Variants in LRRC7 observed in about 807,000 individuals in gnomAD.
LRRC7 encodes leucine rich repeat containing 7, also known as leucine-rich repeat-containing protein 7.
LRRC7 carries 23 observed loss-of-function variants against 175.7 expected under a neutral mutation model. The observed-to-expected ratio is 0.13, with a 90% confidence interval of 0.09 to 0.19. The LOEUF (loss-of-function observed/expected upper bound fraction) is 0.19, where lower values mean the gene tolerates loss of function less well. Among genes scored for constraint, LRRC7 ranks in the 10% least tolerant of loss-of-function variants. LRRC7 has a pLI of 1.00. For synonymous variants in LRRC7, 685 were observed against 680.9 expected (o/e 1.01, Z -0.09); for missense variants, 1,354 against 1,904.7 (o/e 0.71, Z 5.38).
chr1:70,018,372 A>G (rs751406107), intron 14 of LRRC7, among the ~76,000 whole-genome samples: 4 of 152,068 alleles, frequency 2.6e-5, no homozygotes, highest in Non-Finnish European at 4.4e-5. Context: ...TTCTAGGGCA[A>G]TAATCCATGA....
chr1:69,778,537 CT>C, intron 3 of LRRC7, among the ~76,000 whole-genome samples: 1 of 152,248 alleles, frequency 6.6e-6, no homozygotes, highest in South Asian at 2.1e-4. Context: ...TCCTGCTTTG[CT>C]TGGGGATCAG....
At chr1:70,069,401 T>A (rs980157200) in intron 23 of LRRC7, among the ~76,000 whole-genome samples, 5 of 152,142 alleles carry the variant, frequency 3.3e-5, no homozygotes, top group African/African-American at 1.2e-4. Context: ...GCCCCCATGA[T>A]CCAATTACCT....
chr1:70,038,537 A>C lies in LRRC7; in HGVS notation c.2713A>C (p.Thr905Pro). The part of the protein sequence containing the change: ...AFPSKLETTP[T>P]TSPLPERKEH... ...TCCTTCCAAATTAGAGACAACCCCC[A>C]CTACCAGCCCATTGCCTGAAAGGAA... The change falls in exon 21 of 27, where the codon ACT (threonine) becomes CCT (proline). Residue 905 changes from threonine (T) to proline (P), a missense_variant. Transcript: ENST00000651989. 6.2e-7 allele frequency: 1 copy of C among 1,613,978 alleles called. No individual in the cohort carries two copies. Among genetic ancestry groups the C allele is most frequent in the East Asian group, 2.2e-5 (1 of 44,854 alleles).
intron 2 of LRRC7, among the ~76,000 whole-genome samples, chr1:69,759,690 T>C (rs998708235): frequency 6.6e-6 from 1 of 152,030 alleles, no homozygotes; most frequent in Non-Finnish European, 1.5e-5. Flanking sequence ...TCAGTAAATA[T>C]CTATTCACCG....
At chr1:70,116,672 T>C (rs1321986612) in intron 26 of LRRC7, among the ~76,000 whole-genome samples, 1 of 152,098 alleles carries the variant, frequency 6.6e-6, no homozygotes, top group Non-Finnish European at 1.5e-5. Flanking sequence ...GCAATGTAAA[T>C]TTTTCATATG....
At chr1:69,882,835 T>G (rs1686772214) in intron 7 of LRRC7, among the ~76,000 whole-genome samples, 1 of 144,992 alleles carries the variant, frequency 6.9e-6, no homozygotes, top group Non-Finnish European at 1.5e-5. Flanking sequence ...CATTGCTCAA[T>G]TCCCACCTAT....
intron 7 of LRRC7, among the ~76,000 whole-genome samples, chr1:69,910,003 T>C (rs1225803733): frequency 6.6e-6 from 1 of 152,188 alleles, no homozygotes; most frequent in African/African-American, 2.4e-5. Context: ...CTTCCCTTCT[T>C]GCTTCATTTC....
At chr1:69,884,427 G>C (rs1686954987) in intron 7 of LRRC7, among the ~76,000 whole-genome samples, 1 of 108,138 alleles carries the variant, frequency 9.2e-6, no homozygotes, top group South Asian at 2.9e-4. Flanking sequence ...GTATGTTGTT[G>C]GTGTATAAGA....
chr1:69,698,795 T>G (rs1225913267), intron 2 of LRRC7, among the ~76,000 whole-genome samples: 1 of 152,236 alleles, frequency 6.6e-6, no homozygotes, highest in Non-Finnish European at 1.5e-5. Context: ...TTGTGATTGC[T>G]TTAATTCACA....
chr1:69,913,581 G>A (rs146608438), intron 7 of LRRC7, among the ~76,000 whole-genome samples: 2,144 of 151,892 alleles, frequency 0.014, 47 homozygotes, highest in African/African-American at 0.05. Context: ...GTGCGATCTC[G>A]GCTCACTGCA....
rs560456959 is a variant in LRRC7, at chr1:69,695,282, T to C, written c.100+16804T>C. ...ATATGTGGAAGTTTGAACTTATGAG[T>C]GATGACTTAGAGTATCTGGCAGAAG... On this transcript the variant is annotated intron_variant, in intron 2 of 26. Transcript: ENST00000651989. Among the ~76,000 whole-genome samples the C allele has an allele frequency of 4.6e-5, 7 of 152,316 alleles. No homozygotes were observed. The South Asian group carries it at 1.5e-3, about 32-fold the overall frequency.
At chr1:69,797,608 C>T (rs1675944090) in intron 4 of LRRC7, among the ~76,000 whole-genome samples, 1 of 152,150 alleles carries the variant, frequency 6.6e-6, no homozygotes, top group South Asian at 2.1e-4. Context: ...TTCCTTCTTA[C>T]TGTTCCCATT....
intron 2 of LRRC7, among the ~76,000 whole-genome samples, chr1:69,728,283 C>A (rs1667197166): frequency 6.6e-6 from 1 of 152,138 alleles, no homozygotes; most frequent in Non-Finnish European, 1.5e-5. Context: ...TTACTTAGAT[C>A]TAACTAGAAA....
intron 26 of LRRC7, among the ~76,000 whole-genome samples, chr1:70,108,387 C>T (rs1558075121): frequency 6.6e-6 from 1 of 152,120 alleles, no homozygotes. Context: ...AAAAGGTTCA[C>T]CCCAATAAAC....
At chr1:70,106,579 C>G (rs1665160403) in intron 25 of LRRC7, among the ~76,000 whole-genome samples, 1 of 152,158 alleles carries the variant, frequency 6.6e-6, no homozygotes. Context: ...AATCTTATCA[C>G]AATCATGTTT....
intron 3 of LRRC7, among the ~76,000 whole-genome samples, chr1:69,778,180 C>T (rs1673030820): frequency 6.6e-6 from 1 of 152,212 alleles, no homozygotes. Flanking sequence ...CTCCCTGGCA[C>T]ATTTGTTCCA....
chr1:69,957,701 T>C (rs993938193), intron 8 of LRRC7, among the ~76,000 whole-genome samples: 1 of 151,866 alleles, frequency 6.6e-6, no homozygotes, highest in African/African-American at 2.4e-5. Flanking sequence ...CCGAATGTTA[T>C]TGCCAACATT....
chr1:69,750,413 G>C (rs1669736136), intron 2 of LRRC7, among the ~76,000 whole-genome samples: 1 of 152,086 alleles, frequency 6.6e-6, no homozygotes, highest in African/African-American at 2.4e-5. Flanking sequence ...ACTTGTATTA[G>C]AATATTGCCT....
rs951343290 is a variant in LRRC7, at chr1:69,825,237, T to A, written c.422-511T>A. On this transcript the variant is annotated intron_variant, in intron 4 of 26. Transcript: ENST00000651989. ...CAACAAAAAAGAATTGTATAAAATTTAGCAGAGCCCCATATTAGTTTGGGA... is the reference window on the plus strand; with the variant it reads ...CAACAAAAAAGAATTGTATAAAATTAAGCAGAGCCCCATATTAGTTTGGGA... Among the ~76,000 whole-genome samples, 28 of 152,182 alleles carry A rather than the reference T, an allele frequency of 1.8e-4. 2 individuals carry two copies. The highest frequency in any genetic ancestry group is 1.5e-3 in the Admixed American group (23 of 15,268).
Sources: allele counts gnomAD v4.1 joint callset (sites outside exome capture counted in the v4.1 genomes callset), GRCh38; gene constraint gnomAD v4.1.1; transcripts MANE v1.5; gene names NCBI Gene and HGNC (gene_info 2026-07-23, HGNC 2026-07-21).